Variants in UPF3B observed in about 807,000 individuals in gnomAD.
The protein encoded by UPF3B is UPF3B regulator of nonsense mediated mRNA decay.
Under a neutral mutation model 40.3 loss-of-function variants are expected in UPF3B, and 7 were observed. That is an observed-to-expected ratio of 0.17 (90% CI 0.10 to 0.33). The LOEUF is 0.33. UPF3B is among the 10% of genes least tolerant of loss of function. The pLI, the probability that UPF3B is intolerant of heterozygous loss-of-function variation, is 1.00. For missense variants in UPF3B, 229 were observed against 358.9 expected (o/e 0.64, Z 2.93); for synonymous variants, 117 against 117.3 (o/e 1.00, Z 0.01).
intron 5 of UPF3B, among the ~76,000 whole-genome samples, chrX:119,809,173 T>C (rs2428989): frequency 0.052 from 5,676 of 110,040 alleles, 325 homozygotes; most frequent in African/African-American, 0.18. Context: ...GAATTGCGAG[T>C]ATAGGAAAAA....
At chrX:119,810,947 G>A (rs2055823328) in intron 5 of UPF3B, among the ~76,000 whole-genome samples, 1 of 111,259 alleles carries the variant, frequency 9.0e-6, no homozygotes, top group African/African-American at 3.3e-5. Flanking sequence ...TAAATAAATG[G>A]CTAATATCAT....
chrX:119,809,014 G>A (rs2055811742), intron 5 of UPF3B, among the ~76,000 whole-genome samples: 1 of 112,203 alleles, frequency 8.9e-6, no homozygotes, highest in Admixed American at 9.5e-5. Context: ...TTTTCACAGT[G>A]GTAGAAAGAA....
intron 9 of UPF3B, 109 bp from the exon 10 acceptor site, chrX:119,838,160 C>T: frequency 1.9e-6 from 2 of 1,040,481 alleles, no homozygotes; most frequent in Admixed American, 2.3e-5. Context: ...ACTTTTAGAG[C>T]AGAGTGAAAA....
chrX:119,842,504 C>T, intron 5 of UPF3B, among the ~76,000 whole-genome samples: 1 of 108,585 alleles, frequency 9.2e-6, no homozygotes, highest in East Asian at 2.9e-4. Context: ...CGCCTGAACC[C>T]AGGAGGCGGA....
At chrX:119,840,593 C>T in intron 8 of UPF3B, 53 bp downstream of exon 8, 1 of 1,120,600 alleles carries the variant, frequency 8.9e-7, no homozygotes, top group Non-Finnish European at 1.2e-6. Context: ...TTAGCTAAGA[C>T]CTGTGTGTGT....
chrX:119,807,958 TAAG>T (rs934750329), intron 5 of UPF3B, among the ~76,000 whole-genome samples: 7 of 111,612 alleles, frequency 6.3e-5, no homozygotes, highest in African/African-American at 2.3e-4. Context: ...CACACTGGGC[TAAG>T]TTTTTAAATT....
At chrX:119,827,439 T>C (rs1438380131) in intron 3 of UPF3B, among the ~76,000 whole-genome samples, 1 of 78,291 alleles carries the variant, frequency 1.3e-5, no homozygotes, top group African/African-American at 6.1e-5. Context: ...CGCACCCATA[T>C]ATATATATTT....
At chrX:119,807,466 A>T in intron 6 of UPF3B, 1 of 891,411 alleles carries the variant, frequency 1.1e-6, no homozygotes, top group Admixed American at 3.3e-5. Flanking sequence ...TATGGTTAAT[A>T]TCACTTTCCT....
chrX:119,837,614 T>G lies in UPF3B; in HGVS notation c.1302+143A>C, dbSNP rs1157352653. 3 of 494,663 alleles carry G rather than the reference T, an allele frequency of 6.1e-6. No individual in the cohort carries two copies. The East Asian group carries it at 1.2e-4, about 20-fold the overall frequency. The allele number at this position is 494,663 out of a possible 1,213,427, so 40.8% of individuals were successfully genotyped here. ...CTGGGCAACATAGTCAGACTCTGTC[T>G]CAAAAAAAAAAAAAAAAAAAAGTTG... On this transcript the variant is annotated intron_variant, in intron 10 of 10. Coordinates refer to ENST00000276201, the MANE Select transcript of UPF3B (RefSeq NM_080632.3).
intron 4 of UPF3B, among the ~76,000 whole-genome samples, chrX:119,815,811 C>T (rs1054722276): frequency 1.8e-5 from 2 of 111,964 alleles, no homozygotes; most frequent in Non-Finnish European, 3.8e-5. Flanking sequence ...GACGAAGTTT[C>T]GCTCTGGTTG....
At position 119,823,556 on chromosome X, in the gene UPF3B, C is replaced by CTT. The variant is rs1569459617; in HGVS notation, c.393-514_393-513insAA. Among the ~76,000 whole-genome samples, 7 of 42,088 alleles carry CTT rather than the reference C, an allele frequency of 1.7e-4. 1 individual carries two copies. Among genetic ancestry groups the CTT allele is most frequent in the African/African-American group, 1.5e-3 (4 of 2,603 alleles). The allele number at this position is 42,088 out of a possible 115,157, so 36.5% of individuals were successfully genotyped here. A position where few individuals can be genotyped will look rare whatever the true frequency, so the allele number is the denominator to read the frequency against. On this transcript the variant is annotated intron_variant, in intron 3 of 6. Coordinates refer to the UPF3B transcript ENST00000636792. ...CTGGCCCATTTCTTTTCTTTTTTTC[C>CTT]TCTTTTTTTTTTTTTTTTTTTGTCT...
chrX:119,828,347 G>A (rs2056002143), intron 3 of UPF3B, among the ~76,000 whole-genome samples: 1 of 112,076 alleles, frequency 8.9e-6, no homozygotes, highest in African/African-American at 3.2e-5. Context: ...TTACAGGCGT[G>A]AGCCATCACG....
chrX:119,842,573 C>T (rs1354480551), intron 5 of UPF3B, among the ~76,000 whole-genome samples: 1 of 96,299 alleles, frequency 1.0e-5, no homozygotes, highest in African/African-American at 4.2e-5. Context: ...GAGCAAGACT[C>T]CATCTCTCAC....
At chrX:119,807,112 TCTTA>T (rs1202430941) in intron 6 of UPF3B, among the ~76,000 whole-genome samples, 2 of 107,913 alleles carry the variant, frequency 1.9e-5, no homozygotes, top group Non-Finnish European at 3.8e-5. Flanking sequence ...TAGAACCAGC[TCTTA>T]CTTTTCTCTC....
At chrX:119,850,780 C>A (rs2056293544) in intron 3 of UPF3B, among the ~76,000 whole-genome samples, 1 of 111,637 alleles carries the variant, frequency 9.0e-6, no homozygotes, top group Non-Finnish European at 1.9e-5. Flanking sequence ...CGCTCTGTCG[C>A]CAGGCTGGAG....
chrX:119,832,514 T>C (rs1569460807), downstream of UPF3B, among the ~76,000 whole-genome samples: 1 of 110,537 alleles, frequency 9.0e-6, no homozygotes, highest in Non-Finnish European at 1.9e-5. Context: ...CCACCGTGGC[T>C]TCCGTGGCTT....
downstream of UPF3B, chrX:119,831,565 C>T (rs774788410): frequency 2.9e-5 from 10 of 350,189 alleles, no homozygotes; most frequent in East Asian, 4.2e-4. Context: ...GCGATCTGCC[C>T]GCCTCAGCCT....
intron 4 of UPF3B, among the ~76,000 whole-genome samples, chrX:119,820,410 C>G (rs780326739): frequency 1.5e-3 from 161 of 108,061 alleles, no homozygotes; most frequent in Non-Finnish European, 2.5e-3. Flanking sequence ...CTCAGCCTCC[C>G]AAAGTGCTGG....
At chrX:119,842,450 G>A (rs1603370785) in intron 5 of UPF3B, among the ~76,000 whole-genome samples, 2 of 109,569 alleles carry the variant, frequency 1.8e-5, no homozygotes, top group African/African-American at 6.7e-5. Context: ...GGGCGTGGTG[G>A]CGGACACCTG....
Sources: gnomAD v4.1 joint callset for allele counts (sites outside exome capture counted in the v4.1 genomes callset) on GRCh38, gnomAD v4.1.1 for gene constraint, MANE v1.5 for transcripts, NCBI Gene and HGNC (gene_info 2026-07-23, HGNC 2026-07-21) for gene names.